The following ZBTB16 variants were observed in gnomAD, a reference collection of about 807,000 sequenced individuals.
ZBTB16 encodes the protein zinc finger and BTB domain containing 16, also known as zinc finger and BTB domain-containing protein 16.
A neutral mutation model predicts 56.8 loss-of-function variants in ZBTB16; 8 were observed. The ratio of observed to expected loss-of-function variants is 0.14; its 90% confidence interval spans 0.08 to 0.25. The LOEUF (loss-of-function observed/expected upper bound fraction) is 0.25, where lower values mean the gene tolerates loss of function less well. Among genes scored for constraint, ZBTB16 ranks in the 10% least tolerant of loss-of-function variants. The probability of loss-of-function intolerance (pLI) is 1.00; values close to 1 mark genes in which losing one functional copy is unlikely to be tolerated. For missense variants in ZBTB16, 625 were observed against 903.0 expected (o/e 0.69, Z 3.95); for synonymous variants, 363 against 368.5 (o/e 0.98, Z 0.17).
chr11:114,070,094 C>CT (rs4020465), intron 2 of ZBTB16, among the ~76,000 whole-genome samples: 17 of 75,958 alleles, frequency 2.2e-4, no homozygotes, highest in East Asian at 8.4e-4. Context: ...GAGTACCTTT[C>CT]TTTTTTTTTT....
chr11:114,173,944 T>G (rs536880648), intron 3 of ZBTB16, among the ~76,000 whole-genome samples: 1 of 152,358 alleles, frequency 6.6e-6, no homozygotes, highest in South Asian at 2.1e-4. Flanking sequence ...AGAAGGGAGT[T>G]AAGCATGGAG....
At chr11:114,072,567 T>G (rs1939388250) in intron 2 of ZBTB16, among the ~76,000 whole-genome samples, 1 of 152,160 alleles carries the variant, frequency 6.6e-6, no homozygotes, top group Admixed American at 6.5e-5. Flanking sequence ...TGCCTGTCAG[T>G]GCAGGATGCT....
rs562332800 is a variant in ZBTB16 at position 114,174,455 on chromosome 11, C to T, written c.1367-12497C>T. On this transcript the variant is annotated intron_variant, in intron 3 of 6. Transcript: ENST00000335953. Reference sequence around the variant, plus strand: ...CAGTACTCTGGGAAGCCAAGGTGGGCGGATCACCTGAGATCAGAAGTTCGA... The same window carrying T: ...CAGTACTCTGGGAAGCCAAGGTGGGTGGATCACCTGAGATCAGAAGTTCGA... Among the ~76,000 whole-genome samples, 14 of 152,108 alleles carry T rather than the reference C, an allele frequency of 9.2e-5. No homozygotes were observed. The South Asian group carries it at 2.1e-3, about 23-fold the overall frequency.
At chr11:114,096,461 C>T (rs542314106) in intron 2 of ZBTB16, among the ~76,000 whole-genome samples, 1 of 152,170 alleles carries the variant, frequency 6.6e-6, no homozygotes, top group Non-Finnish European at 1.5e-5. Flanking sequence ...CTTCTTCGTC[C>T]TAAAATGTCA....
chr11:114,121,378 G>C (rs1565636318), intron 2 of ZBTB16, among the ~76,000 whole-genome samples: 1 of 152,204 alleles, frequency 6.6e-6, no homozygotes, highest in East Asian at 1.9e-4. Context: ...CTAGGCTCTA[G>C]AGTGGAAGTT....
chr11:114,146,042 T>G (rs1323311280), intron 2 of ZBTB16, among the ~76,000 whole-genome samples: 1 of 152,160 alleles, frequency 6.6e-6, no homozygotes, highest in Non-Finnish European at 1.5e-5. Context: ...CTAGAAGGGC[T>G]GTGGGTCAGG....
chr11:114,088,267 G>A (rs1475539282), intron 2 of ZBTB16, among the ~76,000 whole-genome samples: 13 of 149,730 alleles, frequency 8.7e-5, no homozygotes, highest in African/African-American at 3.0e-4. Context: ...TCAGCCTCCC[G>A]AGTAGCTGAG....
rs1939029335 is a variant in ZBTB16 at position 114,064,373 on chromosome 11, T to A, written c.1073T>A (p.Val358Glu). The change falls in exon 2 of 7, where the codon GTG becomes GAG. Residue 358 changes from valine (V) to glutamate (E), a missense_variant. Coordinates refer to ENST00000335953, the MANE Select transcript of ZBTB16 (RefSeq NM_006006.6). This position sits in a 1 kb window ranked among gnomAD's most constrained non-coding sequence, Gnocchi z 4.2. Reference sequence around the variant, plus strand: ...TCTTCCGTGACCTCTGGCCTCCACGTGCAGCCTGCCCTGGCTGTCTCCATG... The same window carrying A: ...TCTTCCGTGACCTCTGGCCTCCACGAGCAGCCTGCCCTGGCTGTCTCCATG... ...MPSSVTSGLH[V>E]QPALAVSMDF... The A allele has an allele frequency of 1.9e-6, 3 of 1,613,950 alleles. No homozygotes were observed. The highest frequency in any genetic ancestry group is 1.7e-5 in the Admixed American group (1 of 60,014).
chr11:114,226,046 G>T (rs1170986895), intron 4 of ZBTB16, among the ~76,000 whole-genome samples: 1 of 152,182 alleles, frequency 6.6e-6, no homozygotes, highest in Non-Finnish European at 1.5e-5. Flanking sequence ...CTTCAACACC[G>T]AGGCTCTTTG....
Position 114,187,046 on chromosome 11 carries a change from G to A in ZBTB16, c.1453+8G>A. 6.2e-7 allele frequency: 1 copy of A among 1,613,940 alleles called. No individual in the cohort carries two copies. The highest frequency in any genetic ancestry group is 8.5e-7 in the Non-Finnish European group (1 of 1,179,864). ...ACAGGCAGACCCATACTGGTGAGTT[G>A]ACTTGGATTCCTGTTCTCCAGGTTT... On this transcript the variant is annotated splice_region_variant and intron_variant, in intron 4 of 6. Coordinates refer to ENST00000335953, the MANE Select transcript of ZBTB16 (RefSeq NM_006006.6).
chr11:114,216,066 G>A lies in ZBTB16; in HGVS notation c.1454-26101G>A, dbSNP rs142429850. On this transcript the variant is annotated intron_variant, in intron 4 of 6. Coordinates refer to ENST00000335953, the MANE Select transcript of ZBTB16 (RefSeq NM_006006.6). ...GTTTCCATTTGTTACCACCTCTCCC[G>A]CTTATCTTGAGTGAGAACAGGCCCT... 6.2e-3 allele frequency among the ~76,000 whole-genome samples: 938 copies of A among 152,290 alleles called. 7 individuals are homozygous for A. Among genetic ancestry groups the A allele is most frequent in the African/African-American group, 0.02 (851 of 41,560 alleles).
intron 2 of ZBTB16, among the ~76,000 whole-genome samples, chr11:114,095,680 A>G (rs1348246626): frequency 2.0e-5 from 3 of 152,198 alleles, no homozygotes; most frequent in Non-Finnish European, 4.4e-5. Flanking sequence ...TTAGTCACCA[A>G]GGCAGGGTCT....
intron 3 of ZBTB16, chr11:114,180,872 G>A (rs1390728111): frequency 6.6e-6 from 1 of 152,252 alleles, no homozygotes; most frequent in Non-Finnish European, 1.5e-5. Context: ...TGGGAAGATG[G>A]AAGAGAGCTC....
intron 2 of ZBTB16, among the ~76,000 whole-genome samples, chr11:114,084,442 T>C (rs1939888795): frequency 6.6e-6 from 1 of 152,210 alleles, no homozygotes; most frequent in Non-Finnish European, 1.5e-5. Flanking sequence ...AACAGAGAAA[T>C]GTATATCATC....
At chr11:114,242,092 T>A in intron 4 of ZBTB16, 75 bp from the exon 5 acceptor site, 1 of 1,583,606 alleles carries the variant, frequency 6.3e-7, no homozygotes, top group South Asian at 1.1e-5. Flanking sequence ...CGACACTGGC[T>A]CTCACTCCAG....
At chr11:114,174,374 TTTAAAC>T (rs1943051109) in intron 3 of ZBTB16, among the ~76,000 whole-genome samples, 1 of 152,078 alleles carries the variant, frequency 6.6e-6, no homozygotes, top group African/African-American at 2.4e-5. Flanking sequence ...AACTAAGCTT[TTTAAAC>T]TTCAGTTTGC....
intron 4 of ZBTB16, among the ~76,000 whole-genome samples, chr11:114,221,262 A>G (rs143251575): frequency 6.6e-6 from 1 of 152,330 alleles, no homozygotes; most frequent in Non-Finnish European, 1.5e-5. Flanking sequence ...CTTAATTAAT[A>G]TGAACGCTTT....
rs193129341 is a variant in ZBTB16 at position 114,088,389 on chromosome 11, G to C, written c.1268+23821G>C. Among the ~76,000 whole-genome samples the C allele has an allele frequency of 1.8e-4, 28 of 152,176 alleles. No individual in the cohort carries two copies. The East Asian group carries it at 5.2e-3, about 28-fold the overall frequency. On this transcript the variant is annotated intron_variant, in intron 2 of 6. Transcript: ENST00000335953. ...ACTCCTCGCCTCAAGTGATCTTCCT[G>C]CCTTAGCCTCCCAGAGTGCTAGGAT...
At chr11:114,220,800 G>A (rs1442079521) in intron 4 of ZBTB16, among the ~76,000 whole-genome samples, 5 of 152,242 alleles carry the variant, frequency 3.3e-5, no homozygotes, top group African/African-American at 9.6e-5. Flanking sequence ...CGGTCATGAG[G>A]ACAGAGTGAG....
Sources: gnomAD v4.1 joint callset for allele counts (sites outside exome capture counted in the v4.1 genomes callset) on GRCh38, gnomAD v4.1.1 for gene constraint, Gnocchi (gnomAD v3.1) non-coding constraint, MANE v1.5 for transcripts, NCBI Gene and HGNC (gene_info 2026-07-23, HGNC 2026-07-21) for gene names.